Variants in CPED1 observed in about 807,000 individuals in gnomAD.
The protein encoded by CPED1 is cadherin-like and PC-esterase domain-containing protein 1.
Under a neutral mutation model 128.2 loss-of-function variants are expected in CPED1, and 114 were observed. That is an observed-to-expected ratio of 0.89 (90% CI 0.76 to 1.04). The LOEUF is 1.04. Ranked by LOEUF, CPED1 falls within the 50% of genes least tolerant of loss-of-function variation. The pLI, the probability that CPED1 is intolerant of heterozygous loss-of-function variation, is 0.00. For missense variants in CPED1, 1,211 were observed against 1,207.1 expected (o/e 1.00, Z -0.05); for synonymous variants, 462 against 426.7 (o/e 1.08, Z -1.02).
chr7:121,224,787 C>CTTTTTTTTTTTT (rs143087799), intron 16 of CPED1, among the ~76,000 whole-genome samples: 11 of 56,250 alleles, frequency 2.0e-4, no homozygotes, highest in African/African-American at 6.1e-4. Context: ...GCAACCCCTG[C>CTTTTTTTTTTTT]TTTTTTTTTT....
intron 7 of CPED1, among the ~76,000 whole-genome samples, chr7:121,108,394 A>G (rs146138638): frequency 1.3e-5 from 2 of 152,238 alleles, no homozygotes; most frequent in Admixed American, 6.6e-5. Flanking sequence ...TTTTCACTTA[A>G]GAACACTTTG....
At chr7:121,287,311 G>A (rs75090197) in intron 22 of CPED1, among the ~76,000 whole-genome samples, 7 of 152,046 alleles carry the variant, frequency 4.6e-5, no homozygotes, top group Non-Finnish European at 7.4e-5. Flanking sequence ...ACTCATACAC[G>A]AGAGGGTTAT....
chr7:120,989,915 G>A, intron 2 of CPED1, 45 bp downstream of exon 2: 1 of 1,607,828 alleles, frequency 6.2e-7, no homozygotes. Flanking sequence ...TGCAAAGACA[G>A]CAATCTGCTT....
At position 121,125,840 on chromosome 7, in the gene CPED1, T is replaced by G; in HGVS notation, c.1082T>G (p.Leu361Arg). Residue 361 changes from leucine to arginine, a missense_variant, in exon 9 of 23, where the codon CTT becomes CGT. Coordinates refer to ENST00000310396, the MANE Select transcript of CPED1 (RefSeq NM_024913.5). ...TFHRCRFCFQLLTFDIGYGSF... is the reference protein window; with the variant it reads ...TFHRCRFCFQRLTFDIGYGSF... ...TTTAGATGCAGATTCTGCTTTCAAC[T>G]TCTAACTTTTGATATTGGTTATGGC... is the stretch of plus-strand genomic sequence containing the variant. The G allele has an allele frequency of 6.2e-7, 1 of 1,613,454 alleles. No individual in the cohort carries two copies. Among genetic ancestry groups the G allele is most frequent in the Non-Finnish European group, 8.5e-7 (1 of 1,179,558 alleles).
intron 11 of CPED1, among the ~76,000 whole-genome samples, chr7:121,129,400 AT>A (rs1795608044): frequency 6.7e-6 from 1 of 148,504 alleles, no homozygotes; most frequent in Non-Finnish European, 1.5e-5. Flanking sequence ...AAGTTAATTA[AT>A]GAGTGTTTGA....
At chr7:121,250,600 A>G (rs1401254896) in intron 18 of CPED1, among the ~76,000 whole-genome samples, 1 of 152,220 alleles carries the variant, frequency 6.6e-6, no homozygotes, top group African/African-American at 2.4e-5. Flanking sequence ...AAGAAAGAAG[A>G]ATCAAATAGA....
At chr7:121,063,027 C>G (rs1563011071) in intron 4 of CPED1, 1 of 152,158 alleles carries the variant, frequency 6.6e-6, no homozygotes. Flanking sequence ...TGAAAAAGGA[C>G]TAATAAACAC....
chr7:121,197,559 G>T (rs73215398), intron 16 of CPED1, among the ~76,000 whole-genome samples: 269 of 152,212 alleles, frequency 1.8e-3, no homozygotes, highest in Admixed American at 4.0e-3. Context: ...ATGTTAAACA[G>T]CTAGTAATGG....
intron 22 of CPED1, among the ~76,000 whole-genome samples, chr7:121,281,256 A>G (rs1792456786): frequency 6.6e-6 from 1 of 152,194 alleles, no homozygotes; most frequent in Admixed American, 6.5e-5. Context: ...AGTTATTTTT[A>G]GAATCAGCAG....
intron 16 of CPED1, among the ~76,000 whole-genome samples, chr7:121,147,947 ACT>A (rs1390039550): frequency 2.0e-5 from 3 of 151,974 alleles, no homozygotes; most frequent in Admixed American, 6.6e-5. Flanking sequence ...ATGGTTTAGA[ACT>A]CTCTCATTTA....
chr7:121,232,352 G>T (rs1798158710), intron 16 of CPED1, among the ~76,000 whole-genome samples: 1 of 152,050 alleles, frequency 6.6e-6, no homozygotes, highest in Non-Finnish European at 1.5e-5. Context: ...AGTGAAATTG[G>T]ATTAGAGGAG....
chr7:121,018,138 AT>A (rs765256890), intron 3 of CPED1, among the ~76,000 whole-genome samples: 13 of 151,970 alleles, frequency 8.6e-5, no homozygotes, highest in African/African-American at 2.2e-4. Context: ...AATACCTGAA[AT>A]TTTTTTTAAA....
chr7:121,276,250 A>C (rs1229782015), intron 22 of CPED1, among the ~76,000 whole-genome samples: 2 of 152,194 alleles, frequency 1.3e-5, no homozygotes, highest in East Asian at 3.9e-4. Flanking sequence ...AATTTACTCT[A>C]TCACACTACC....
Position 121,292,273 on chromosome 7 carries a change from A to G in CPED1, c.2869-3167A>G, listed in dbSNP as rs542518074. Among the ~76,000 whole-genome samples, 33 of 151,312 alleles carry G rather than the reference A, an allele frequency of 2.2e-4. No individual in the cohort carries two copies. In the South Asian group the frequency reaches 4.4e-3, roughly 20 times the overall value. ...CTTTATTTCATTAAGTTGATCTTCAATCTCTGATATGCTTTCTTCTGCTTG... is the reference window on the plus strand; with the variant it reads ...CTTTATTTCATTAAGTTGATCTTCAGTCTCTGATATGCTTTCTTCTGCTTG... On this transcript the variant is annotated intron_variant, in intron 22 of 22. Coordinates refer to ENST00000310396, the MANE Select transcript of CPED1 (RefSeq NM_024913.5).
At position 121,232,043 on chromosome 7, in the gene CPED1, G is replaced by A. The variant is rs529476978; in HGVS notation, c.2056-4671G>A. On this transcript the variant is annotated intron_variant, in intron 16 of 22. Coordinates refer to ENST00000310396, the MANE Select transcript of CPED1 (RefSeq NM_024913.5). ...AGATTGCCACAAGGAGGAGCCAGGTGAAATGAGCCACAGTAGAGGGTAACA... is the reference window on the plus strand; with the variant it reads ...AGATTGCCACAAGGAGGAGCCAGGTAAAATGAGCCACAGTAGAGGGTAACA... 3.9e-5 allele frequency among the ~76,000 whole-genome samples: 6 copies of A among 152,204 alleles called. No individual in the cohort carries two copies. The South Asian group carries it at 1.2e-3, about 32-fold the overall frequency.
intron 5 of CPED1, among the ~76,000 whole-genome samples, chr7:121,075,748 T>C (rs1794107991): frequency 6.6e-6 from 1 of 152,208 alleles, no homozygotes; most frequent in Admixed American, 6.5e-5. Context: ...TTTATGTACA[T>C]TGCATGATAG....
At position 121,125,843 on chromosome 7, in the gene CPED1, T is replaced by G; in HGVS notation, c.1085T>G (p.Leu362Arg). Residue 362 changes from leucine to arginine, a missense_variant, in exon 9 of 23, where the codon CTA becomes CGA. Transcript: ENST00000310396. ...AGATGCAGATTCTGCTTTCAACTTC[T>G]AACTTTTGATATTGGTTATGGCAGT... ...FHRCRFCFQL[L>R]TFDIGYGSFM... The G allele has an allele frequency of 1.2e-6, 2 of 1,613,544 alleles. No individual in the cohort carries two copies. The highest frequency in any genetic ancestry group is 1.7e-6 in the Non-Finnish European group (2 of 1,179,610).
chr7:121,287,186 T>G (rs1201197234), intron 22 of CPED1, among the ~76,000 whole-genome samples: 1 of 152,016 alleles, frequency 6.6e-6, no homozygotes, highest in Non-Finnish European at 1.5e-5. Context: ...CACCTGGGAT[T>G]TAAAGATCAT....
chr7:121,179,189 G>T (rs1299575584), intron 16 of CPED1, among the ~76,000 whole-genome samples: 1 of 152,078 alleles, frequency 6.6e-6, no homozygotes, highest in Admixed American at 6.6e-5. Context: ...CATTTAGAAG[G>T]TTAGAGACCT....
Sources: allele counts gnomAD v4.1 joint callset (sites outside exome capture counted in the v4.1 genomes callset), GRCh38; gene constraint gnomAD v4.1.1; transcripts MANE v1.5; gene names NCBI Gene and HGNC (gene_info 2026-07-23, HGNC 2026-07-21).